MGLL: variants seen among roughly 807,000 people sequenced by gnomAD.
The protein encoded by MGLL is lysophospholipase homolog.
A neutral mutation model predicts 29.1 loss-of-function variants in MGLL; 7 were observed. That is an observed-to-expected ratio of 0.24 (90% confidence interval 0.14 to 0.45). The LOEUF is 0.45. Ranked by LOEUF, MGLL falls within the 20% of genes least tolerant of loss-of-function variation. The pLI, the probability that MGLL is intolerant of heterozygous loss-of-function variation, is 0.99. For synonymous variants in MGLL, 148 were observed against 168.3 expected (o/e 0.88, Z 0.93); for missense variants, 356 against 413.6 (o/e 0.86, Z 1.21).
chr3:127,772,992 C>T (rs1321440988), intron 3 of MGLL, among the ~76,000 whole-genome samples: 1 of 152,206 alleles, frequency 6.6e-6, no homozygotes, highest in Non-Finnish European at 1.5e-5. Flanking sequence ...TAGATCCCTG[C>T]TGTTTATCAG....
chr3:127,718,618 A>G (rs2075860830), intron 5 of MGLL, among the ~76,000 whole-genome samples: 1 of 152,202 alleles, frequency 6.6e-6, no homozygotes, highest in East Asian at 1.9e-4. Flanking sequence ...CACACCAACC[A>G]AAACAACAAA....
chr3:127,723,842 T>C (rs2075982569), intron 3 of MGLL, among the ~76,000 whole-genome samples: 1 of 152,154 alleles, frequency 6.6e-6, no homozygotes, highest in Non-Finnish European at 1.5e-5. Context: ...AATCCATATG[T>C]TGAAGCTCTA....
At chr3:127,800,114 T>A (rs1488972862) in intron 2 of MGLL, among the ~76,000 whole-genome samples, 1 of 152,142 alleles carries the variant, frequency 6.6e-6, no homozygotes, top group Non-Finnish European at 1.5e-5. Context: ...CTCCTCCCCA[T>A]GGTCAGGAAC....
At chr3:127,782,007 G>T in intron 2 of MGLL, 112 bp from the exon 3 acceptor site, 1 of 947,280 alleles carries the variant, frequency 1.1e-6, no homozygotes, top group Non-Finnish European at 1.7e-6. Flanking sequence ...GATTGCCTGA[G>T]CTCAGGAGTT....
In MGLL at chr3:127,804,346, G is replaced by A. The variant is rs531715679; in HGVS notation, c.155+17348C>T. Among the ~76,000 whole-genome samples, 35 of 152,320 alleles carry A rather than the reference G, an allele frequency of 2.3e-4. No individual in the cohort carries two copies. In the South Asian group the frequency reaches 3.5e-3, roughly 15 times the overall value. Reference sequence around the variant, plus strand: ...GGACCAGACCCGGCTCAAATGTCACGTCTGCTTAAAGCCATCCTGGCCACA... The same window carrying A: ...GGACCAGACCCGGCTCAAATGTCACATCTGCTTAAAGCCATCCTGGCCACA... On this transcript the variant is annotated intron_variant, in intron 2 of 7. Transcript: ENST00000265052.
chr3:127,796,241 C>T (rs1210737339), intron 2 of MGLL, among the ~76,000 whole-genome samples: 1 of 152,210 alleles, frequency 6.6e-6, no homozygotes. Context: ...CTGAGGAACA[C>T]AGAAGCCCTC....
chr3:127,803,125 G>A (rs1289980800), intron 2 of MGLL, among the ~76,000 whole-genome samples: 1 of 152,166 alleles, frequency 6.6e-6, no homozygotes, highest in African/African-American at 2.4e-5. Flanking sequence ...GATTACAGGT[G>A]CGTCCCCTCA....
chr3:127,796,804 C>T (rs982168775), intron 2 of MGLL, among the ~76,000 whole-genome samples: 1 of 152,194 alleles, frequency 6.6e-6, no homozygotes, highest in Non-Finnish European at 1.5e-5. Flanking sequence ...TAGAAAATTA[C>T]AAGCCACAGC....
At chr3:127,810,217 G>A (rs185979853) in intron 2 of MGLL, among the ~76,000 whole-genome samples, 6 of 152,112 alleles carry the variant, frequency 3.9e-5, no homozygotes, top group East Asian at 3.9e-4. Flanking sequence ...CCCTGTTGAC[G>A]CCTTGATCTT....
In MGLL at chr3:127,700,358, G is replaced by A. The variant is rs558604312; in HGVS notation, c.601-5168C>T. The stretch of plus-strand genomic sequence containing the variant: ...TGGCTTCTGTCTCCCATCACAAACA[G>A]CTTTTCAGCCCCTTGCTCTTAGCTT... On this transcript the variant is annotated intron_variant, in intron 6 of 7. Transcript: ENST00000265052. 1.7e-4 allele frequency among the ~76,000 whole-genome samples: 26 copies of A among 152,286 alleles called. No individual in the cohort carries two copies. The South Asian group carries it at 5.0e-3, about 29-fold the overall frequency.
chr3:127,719,120 A>T (rs2075872057), intron 5 of MGLL, among the ~76,000 whole-genome samples: 1 of 152,168 alleles, frequency 6.6e-6, no homozygotes, highest in Non-Finnish European at 1.5e-5. Context: ...TCACAAGGTG[A>T]TCTATTAGCA....
chr3:127,726,161 A>AAAGG (rs2076032412), intron 3 of MGLL, among the ~76,000 whole-genome samples: 1 of 29,732 alleles, frequency 3.4e-5, no homozygotes, highest in Non-Finnish European at 8.1e-5. Flanking sequence ...AGAAAGAAAG[A>AAAGG]AAGAAAGAAA....
At chr3:127,774,817 C>T (rs1344512066) in intron 3 of MGLL, among the ~76,000 whole-genome samples, 1 of 152,198 alleles carries the variant, frequency 6.6e-6, no homozygotes, top group Non-Finnish European at 1.5e-5. Context: ...GCCCAGCCAT[C>T]TGGCTTTCAA....
At chr3:127,748,875 G>A (rs1008066052) in intron 3 of MGLL, among the ~76,000 whole-genome samples, 6 of 152,146 alleles carry the variant, frequency 3.9e-5, no homozygotes, top group South Asian at 2.1e-4. Context: ...TCACTGCCAC[G>A]TGACTCTGTT....
Position 127,695,113 on chromosome 3 carries a change from G to C in MGLL, c.678C>G (p.Ala226=). The C allele has an allele frequency of 6.2e-7, 1 of 1,614,192 alleles. No homozygotes were observed. Among genetic ancestry groups the C allele is most frequent in the South Asian group, 1.1e-5 (1 of 91,086 alleles). The change falls in exon 7 of 8, where the codon GCC becomes GCG. Residue 226 remains alanine, a synonymous_variant. Transcript: ENST00000265052. The part of the protein sequence containing the change: ...KVCFGIQLLN[A]VSRVERALPK... ...GGAGGGCGCGCTCCACCCGTGAGAC[G>C]GCATTCAGCAGTTGGATGCCGAAGC...
intron 3 of MGLL, among the ~76,000 whole-genome samples, chr3:127,755,669 G>C (rs72973716): frequency 5.9e-5 from 9 of 152,308 alleles, no homozygotes; most frequent in Admixed American, 4.6e-4. Flanking sequence ...TGTCTCCCCA[G>C]ATATACCGGG....
intron 2 of MGLL, among the ~76,000 whole-genome samples, chr3:127,787,594 C>T (rs1017082278): frequency 6.6e-6 from 1 of 152,198 alleles, no homozygotes; most frequent in African/African-American, 2.4e-5. Flanking sequence ...GTGTTTGTTC[C>T]TACCACTAGG....
intron 6 of MGLL, among the ~76,000 whole-genome samples, chr3:127,706,416 A>T (rs2075602946): frequency 6.6e-6 from 1 of 152,186 alleles, no homozygotes; most frequent in Admixed American, 6.5e-5. Flanking sequence ...TTCTGCTGCC[A>T]TTAAAGCATC....
intron 3 of MGLL, among the ~76,000 whole-genome samples, chr3:127,771,791 A>G (rs1329405392): frequency 6.6e-6 from 1 of 152,194 alleles, no homozygotes; most frequent in Non-Finnish European, 1.5e-5. Flanking sequence ...AAAATTATAA[A>G]GAGAAGCCCT....
Sources: gnomAD v4.1 joint callset for allele counts (sites outside exome capture counted in the v4.1 genomes callset) on GRCh38, gnomAD v4.1.1 for gene constraint, MANE v1.5 for transcripts, NCBI Gene and HGNC (gene_info 2026-07-23, HGNC 2026-07-21) for gene names.